Variants in CEPT1 observed in about 807,000 individuals in gnomAD.
CEPT1 encodes choline/ethanolamine phosphotransferase 1, also known as choline/ethanolaminephosphotransferase 1.
A neutral mutation model predicts 42.6 loss-of-function variants in CEPT1; 7 were observed. The ratio of observed to expected loss-of-function variants is 0.16; its 90% CI spans 0.09 to 0.31. CEPT1 has a LOEUF of 0.31. Among genes scored for constraint, CEPT1 ranks in the 10% least tolerant of loss-of-function variants. The probability of loss-of-function intolerance (pLI) is 1.00; values close to 1 mark genes in which losing one functional copy is unlikely to be tolerated. For missense variants in CEPT1, 306 were observed against 502.1 expected (o/e 0.61, Z 3.73); for synonymous variants, 171 against 171.9 (o/e 0.99, Z 0.04).
Position 111,183,449 on chromosome 1 carries a change from G to C in CEPT1, c.1006-13G>C. On this transcript the variant is annotated splice_polypyrimidine_tract_variant and intron_variant, in intron 7 of 8. Coordinates refer to ENST00000357172, the MANE Select transcript of CEPT1 (RefSeq NM_006090.5). ...CTTATGAAAATGCCTACGTTATTCT[G>C]TTTTATTCATAGGTTGCACACATGA... 1 of 1,612,744 alleles carries C rather than the reference G, an allele frequency of 6.2e-7. No individual in the cohort carries two copies. The highest frequency in any genetic ancestry group is 8.5e-7 in the Non-Finnish European group (1 of 1,178,988).
At chr1:111,174,628 A>G (rs940494335) in intron 4 of CEPT1, among the ~76,000 whole-genome samples, 1 of 151,448 alleles carries the variant, frequency 6.6e-6, no homozygotes, top group Admixed American at 6.6e-5. Context: ...AACTTCAATG[A>G]GTCAGAAATT....
intron 1 of CEPT1, among the ~76,000 whole-genome samples, chr1:111,145,096 A>G (rs1369224009): frequency 1.3e-5 from 2 of 151,970 alleles, no homozygotes; most frequent in African/African-American, 4.8e-5. Context: ...GCTCACTGCA[A>G]CCTTCGCCTC....
At chr1:111,174,307 A>T (rs760484811) in intron 4 of CEPT1, among the ~76,000 whole-genome samples, 1 of 152,098 alleles carries the variant, frequency 6.6e-6, no homozygotes, top group African/African-American at 2.4e-5. Context: ...TCTTCTTTGC[A>T]GAAGTCTCAG....
intron 7 of CEPT1, among the ~76,000 whole-genome samples, chr1:111,183,195 G>A (rs543108380): frequency 7.9e-5 from 12 of 152,186 alleles, no homozygotes; most frequent in African/African-American, 2.6e-4. Flanking sequence ...GTTTAATTTG[G>A]TTATTCAGTT....
At chr1:111,182,438 T>C in intron 6 of CEPT1, 120 bp downstream of exon 6, 1 of 1,109,454 alleles carries the variant, frequency 9.0e-7, no homozygotes, top group South Asian at 1.5e-5. Flanking sequence ...ACTTAGCCTT[T>C]AAAGAAACTA....
At position 111,147,864 on chromosome 1, in the gene CEPT1, G is replaced by A. The variant is rs371630951; in HGVS notation, c.150G>A (p.Arg50=). The A allele has an allele frequency of 6.2e-7, 1 of 1,614,090 alleles. No homozygotes were observed. The highest frequency in any genetic ancestry group is 8.5e-7 in the Non-Finnish European group (1 of 1,180,002). The part of the protein sequence containing the change: ...TPPLSRHQLK[R]LEEHRYQSAG... ...CATTGTCAAGACACCAACTAAAGCG[G>A]CTAGAAGAACACAGATATCAAAGTG... is the stretch of plus-strand genomic sequence containing the variant. The change falls in exon 2 of 9, where the codon CGG becomes CGA. Residue 50 remains arginine (R), a synonymous_variant. Coordinates refer to ENST00000357172, the MANE Select transcript of CEPT1 (RefSeq NM_006090.5).
upstream of CEPT1, chr1:111,139,880 A>T (rs1654202607): frequency 6.6e-6 from 1 of 151,674 alleles, no homozygotes; most frequent in Non-Finnish European, 1.5e-5. Context: ...GGAGGCAATG[A>T]GGGCCAGCAG....
intron 6 of CEPT1, 198 bp downstream of exon 6, chr1:111,182,516 G>T: frequency 1.6e-6 from 1 of 607,674 alleles, no homozygotes; most frequent in Non-Finnish European, 2.8e-6. Flanking sequence ...ATACTTTTAT[G>T]CATACACACA....
rs1486098862 is a variant in CEPT1, at chr1:111,183,489, C to T, written c.1033C>T (p.His345Tyr). Residue 345 changes from histidine to tyrosine, a missense_variant, in exon 8 of 9, where the codon CAT becomes TAT. Transcript: ENST00000357172. ...VVAHMTKSEM[H>Y]LHDTAFIGPA... ...TGCACACATGACGAAAAGTGAAATG[C>T]ATTTGCATGACACAGCATTCATAGG... is the stretch of plus-strand genomic sequence containing the variant. 2 of 1,613,672 alleles carry T rather than the reference C, an allele frequency of 1.2e-6. No individual in the cohort carries two copies. Among genetic ancestry groups the T allele is most frequent in the Non-Finnish European group, 1.7e-6 (2 of 1,179,618 alleles).
intron 2 of CEPT1, among the ~76,000 whole-genome samples, chr1:111,150,089 T>A (rs1655187802): frequency 1.3e-5 from 2 of 152,244 alleles, no homozygotes; most frequent in Non-Finnish European, 2.9e-5. Flanking sequence ...CTTGTTGTTC[T>A]GCAAGGGAAG....
chr1:111,159,319 G>A (rs1655751142), intron 2 of CEPT1, 61 bp from the exon 3 acceptor site: 1 of 1,521,320 alleles, frequency 6.6e-7, no homozygotes, highest in African/African-American at 1.4e-5. Flanking sequence ...GTAAAAATAT[G>A]TTAGTCAAAC....
At position 111,161,189 on chromosome 1, in the gene CEPT1, G is replaced by A. The variant is rs1655849988; in HGVS notation, c.522G>A (p.Gln174=). ...FVVLGTCIAV[Q]LGTNPDWMFF... is the part of the protein sequence containing the mutation. ...TTCTTGGAACTTGTATTGCAGTGCAGCTGGGGACAAACCCTGATTGGATGT... is the reference window on the plus strand; with the variant it reads ...TTCTTGGAACTTGTATTGCAGTGCAACTGGGGACAAACCCTGATTGGATGT... The change falls in exon 4 of 9, where the codon CAG becomes CAA. Residue 174 remains glutamine, a synonymous_variant. Transcript: ENST00000357172. 1 of 1,613,970 alleles carries A rather than the reference G, an allele frequency of 6.2e-7. No homozygotes were observed. The highest frequency in any genetic ancestry group is 1.1e-5 in the South Asian group (1 of 91,092).
chr1:111,146,552 A>G (rs1472983337), intron 1 of CEPT1, among the ~76,000 whole-genome samples: 1 of 151,928 alleles, frequency 6.6e-6, no homozygotes, highest in African/African-American at 2.4e-5. Flanking sequence ...TGTCTTTCAT[A>G]TTTTCATTTT....
intron 4 of CEPT1, among the ~76,000 whole-genome samples, chr1:111,163,765 T>C (rs17026996): frequency 0.022 from 3,365 of 151,478 alleles, 113 homozygotes; most frequent in African/African-American, 0.078. Context: ...TTGCAGTTTG[T>C]ATGCATGGAG....
chr1:111,168,633 C>T (rs750229408), intron 4 of CEPT1, among the ~76,000 whole-genome samples: 11 of 151,986 alleles, frequency 7.2e-5, no homozygotes, highest in African/African-American at 1.2e-4. Context: ...TCACTACAGG[C>T]GCCCACCACC....
chr1:111,150,614 G>A (rs1013332222), intron 2 of CEPT1, among the ~76,000 whole-genome samples: 5 of 151,962 alleles, frequency 3.3e-5, no homozygotes, highest in African/African-American at 4.8e-5. Context: ...ATAGTATTAC[G>A]AACTTCCCAT....
At chr1:111,157,411 A>G (rs773224142) in intron 2 of CEPT1, among the ~76,000 whole-genome samples, 2 of 152,248 alleles carry the variant, frequency 1.3e-5, no homozygotes, top group African/African-American at 2.4e-5. Context: ...AGCCATAGCT[A>G]CATATGGCTA....
chr1:111,167,790 G>C, intron 4 of CEPT1: 1 of 906,302 alleles, frequency 1.1e-6, no homozygotes, highest in Non-Finnish European at 1.3e-6. Flanking sequence ...AGCTTTTCAT[G>C]TTACTATAGT....
At chr1:111,174,486 C>A (rs900137482) in intron 4 of CEPT1, among the ~76,000 whole-genome samples, 1 of 151,820 alleles carries the variant, frequency 6.6e-6, no homozygotes, top group African/African-American at 2.4e-5. Context: ...TCATCTGATA[C>A]TACAAAGCAC....
Sources: gnomAD v4.1 joint callset for allele counts (sites outside exome capture counted in the v4.1 genomes callset) on GRCh38, gnomAD v4.1.1 for gene constraint, MANE v1.5 for transcripts, NCBI Gene and HGNC (gene_info 2026-07-23, HGNC 2026-07-21) for gene names.